L3HYPDH: variants seen among roughly 807,000 people sequenced by gnomAD.
L3HYPDH encodes the protein trans-3-hydroxy-L-proline dehydratase.
L3HYPDH carries 32 observed loss-of-function variants against 26.5 expected under a neutral mutation model. That is an observed-to-expected ratio of 1.21 (90% CI 0.91 to 1.62). The LOEUF (loss-of-function observed/expected upper bound fraction) is 1.62. Among genes scored for constraint, L3HYPDH ranks in the 40% most tolerant of loss-of-function variants. The probability of loss-of-function intolerance (pLI) is 0.00; values close to 1 mark genes in which losing one functional copy is unlikely to be tolerated. For missense variants in L3HYPDH, 554 were observed against 476.4 expected, an observed-to-expected ratio of 1.16 and a Z score of -1.52; for synonymous variants, 215 against 196.6, an observed-to-expected ratio of 1.09 and a Z score of -0.78.
Position 59,484,007 on chromosome 14 carries a change from A to T in L3HYPDH, c.310T>A (p.Cys104Ser). The part of the protein sequence containing the change: ...FLHNEGYSSM[C>S]GHAVLALGRF... ...CCCAGCGCCAGCACTGCGTGGCCGC[A>T]CATGGAGCTGTAGCCCTCGTTGTGC... Residue 104 changes from cysteine (C) to serine (S), a missense_variant, in exon 1 of 5, where the codon TGC becomes AGC. Physicochemically the swap from Cys to Ser is moderately radical, Grantham distance 112 (BLOSUM62 -1). Transcript: ENST00000247194. 1 of 1,599,892 alleles carries T rather than the reference A, an allele frequency of 6.3e-7. No homozygotes were observed. Among genetic ancestry groups the T allele is most frequent in the Non-Finnish European group, 8.5e-7 (1 of 1,177,490 alleles).
At chr14:59,498,894 G>C in the L3HYPDH span, 3 of 1,604,636 alleles carry the variant, frequency 1.9e-6, no homozygotes, top group South Asian at 3.4e-5. Flanking sequence ...CAGGCAGTTG[G>C]TGGAGGCCTT....
chr14:59,466,805 G>T (rs954208580), intron 1 of L3HYPDH, among the ~76,000 whole-genome samples: 4 of 151,984 alleles, frequency 2.6e-5, no homozygotes, highest in African/African-American at 9.7e-5. Context: ...TTTATTGCAG[G>T]GGCCATCTAT....
intron 1 of L3HYPDH, among the ~76,000 whole-genome samples, chr14:59,480,869 G>A (rs1365145789): frequency 6.6e-6 from 1 of 152,236 alleles, no homozygotes; most frequent in East Asian, 1.9e-4. Context: ...TGATAGAAAT[G>A]AGGGACTGCT....
At chr14:59,469,868 A>T (rs148066542), downstream of L3HYPDH, among the ~76,000 whole-genome samples, 10 of 152,334 alleles carry the variant, frequency 6.6e-5, no homozygotes, top group East Asian at 1.9e-3. Context: ...TAGTCTCTCT[A>T]CAAGAGGGAA....
chr14:59,487,684 G>A (rs1268242851), upstream of L3HYPDH: 2 of 1,612,536 alleles, frequency 1.2e-6, no homozygotes, highest in South Asian at 2.2e-5. Flanking sequence ...GTATGCCCAA[G>A]AGGACAGAGA....
chr14:59,480,595 A>G (rs958221652), intron 1 of L3HYPDH, among the ~76,000 whole-genome samples: 3 of 152,360 alleles, frequency 2.0e-5, no homozygotes, highest in Non-Finnish European at 2.9e-5. Flanking sequence ...GAAAGAAAAT[A>G]TATCTTGTGT....
At position 59,484,124 on chromosome 14, in the gene L3HYPDH, G is replaced by T; in HGVS notation, c.193C>A (p.Leu65Ile). The T allele has an allele frequency of 6.2e-7, 1 of 1,602,986 alleles. No homozygotes were observed. Among genetic ancestry groups the T allele is most frequent in the Non-Finnish European group, 8.5e-7 (1 of 1,179,108 alleles). ...CGGTGCCCTCGGGGCTCGAACATGA[G>T]CCGTCGCCGCACGTGGTCAAGGTGC... is the stretch of plus-strand genomic sequence containing the variant. ...RQHLDHVRRR[L>I]MFEPRGHRDM... Residue 65 changes from leucine (L) to isoleucine (I), a missense_variant, in exon 1 of 5, where the codon CTC (leucine) becomes ATC (isoleucine). Leu to Ile is a conservative substitution (Grantham distance 5). Transcript: ENST00000247194.
downstream of L3HYPDH, among the ~76,000 whole-genome samples, chr14:59,470,138 C>T (rs1453256193): frequency 6.6e-6 from 1 of 152,118 alleles, no homozygotes; most frequent in Non-Finnish European, 1.5e-5. Context: ...TATCCTTTAC[C>T]TCCAGGTGGA....
rs1889883692 is a variant in L3HYPDH, at chr14:59,479,773, A to G, written c.509-422T>C. Among the ~76,000 whole-genome samples the G allele has an allele frequency of 2.6e-5, 4 of 152,164 alleles. No homozygotes were observed. In the South Asian group the frequency reaches 8.3e-4, roughly 32 times the overall value. ...GGTCTTGGATCCTATTTACAAATCA[A>G]TTTTCTTCAGCCGTAATGTCAAAAC... is the stretch of plus-strand genomic sequence containing the variant. On this transcript the variant is annotated intron_variant, in intron 1 of 4. Coordinates refer to ENST00000247194, the MANE Select transcript of L3HYPDH (RefSeq NM_144581.2).
chr14:59,495,833 T>G, the L3HYPDH span, among the ~76,000 whole-genome samples: 5 of 152,204 alleles, frequency 3.3e-5, no homozygotes, highest in Non-Finnish European at 7.3e-5. Flanking sequence ...ATCAAAAACA[T>G]AGAAATGCAA....
the L3HYPDH span, among the ~76,000 whole-genome samples, chr14:59,496,326 G>A: frequency 0.39 from 58,904 of 150,914 alleles, 12,249 homozygotes; most frequent in African/African-American, 0.52. Context: ...TCATTGATTC[G>A]TAGAGCTTAA....
At chr14:59,490,189 T>G in the L3HYPDH span, among the ~76,000 whole-genome samples, 1 of 152,270 alleles carries the variant, frequency 6.6e-6, no homozygotes, top group East Asian at 1.9e-4. Flanking sequence ...CCCAAAGTGC[T>G]GGGATTATAG....
Position 59,484,342 on chromosome 14 carries a change from G to T in L3HYPDH, c.-26C>A. 3 of 1,556,752 alleles carry T rather than the reference G, an allele frequency of 1.9e-6. No homozygotes were observed. Among genetic ancestry groups the T allele is most frequent in the East Asian group, 2.3e-5 (1 of 44,426 alleles). ...GGTCTGCGTCGGGGGAGACGAGTACGGTCCCGCAGCTATGGCTTCAAGCCC... is the reference window on the plus strand; with the variant it reads ...GGTCTGCGTCGGGGGAGACGAGTACTGTCCCGCAGCTATGGCTTCAAGCCC... On this transcript the variant is annotated 5_prime_UTR_variant, in exon 1 of 5. Transcript: ENST00000247194.
At chr14:59,482,232 T>C (rs1408122027) in intron 1 of L3HYPDH, among the ~76,000 whole-genome samples, 1 of 152,118 alleles carries the variant, frequency 6.6e-6, no homozygotes, top group Non-Finnish European at 1.5e-5. Context: ...GTCACTGAGA[T>C]GGGGAGAGGT....
At chr14:59,486,566 A>G (rs1249471144), upstream of L3HYPDH, 3 of 634,686 alleles carry the variant, frequency 4.7e-6, no homozygotes, top group Non-Finnish European at 5.5e-6. Context: ...GGAGAAATGT[A>G]AATTTAAAAA....
At chr14:59,468,917 G>T (rs1237784696), downstream of L3HYPDH, among the ~76,000 whole-genome samples, 1 of 152,186 alleles carries the variant, frequency 6.6e-6, no homozygotes, top group Non-Finnish European at 1.5e-5. Context: ...TATGGATTAG[G>T]ATTCTCTGGG....
chr14:59,488,836 C>T (rs921477231), upstream of L3HYPDH, among the ~76,000 whole-genome samples: 5 of 152,202 alleles, frequency 3.3e-5, no homozygotes, highest in Non-Finnish European at 5.9e-5. Flanking sequence ...TCTTTTCCTT[C>T]TGATTTCAGT....
chr14:59,483,457 C>G, intron 1 of L3HYPDH: 1 of 1,146,404 alleles, frequency 8.7e-7, no homozygotes, highest in South Asian at 2.4e-5. Flanking sequence ...GGTACATTGG[C>G]TGTTCTTCGC....
At chr14:59,484,990 A>G, upstream of L3HYPDH, 1 of 1,580,784 alleles carries the variant, frequency 6.3e-7, no homozygotes, top group Non-Finnish European at 8.5e-7. Flanking sequence ...TCAAACGTAG[A>G]TTTATAGCGC....
Sources: allele counts gnomAD v4.1 joint callset (sites outside exome capture counted in the v4.1 genomes callset), GRCh38; gene constraint gnomAD v4.1.1; transcripts MANE v1.5; gene names NCBI Gene and HGNC (gene_info 2026-07-23, HGNC 2026-07-21).